The following SPART variants were observed in gnomAD, a reference collection of about 807,000 sequenced individuals.
The protein encoded by SPART is spartin, also known as spastic paraplegia 20 (Troyer syndrome).
In SPART, 35 loss-of-function variants were observed where a neutral mutation model predicts 58.7. That is an observed-to-expected ratio of 0.60 (90% CI 0.46 to 0.79). The LOEUF is 0.79. Ranked by LOEUF, SPART falls within the 30% of genes least tolerant of loss-of-function variation. SPART has a pLI of 0.00. For synonymous variants in SPART, 284 were observed against 280.7 expected, an observed-to-expected ratio of 1.01 and a Z score of -0.12; for missense variants, 730 against 786.1, an observed-to-expected ratio of 0.93 and a Z score of 0.85.
chr13:36,313,496 C>T (rs1881341020), intron 6 of SPART, among the ~76,000 whole-genome samples: 1 of 152,202 alleles, frequency 6.6e-6, no homozygotes, highest in African/African-American at 2.4e-5. Flanking sequence ...ATTCACTCAC[C>T]ACTCACTCAG....
intron 1 of SPART, among the ~76,000 whole-genome samples, chr13:36,367,780 C>A (rs557828106): frequency 2.0e-5 from 3 of 152,178 alleles, no homozygotes; most frequent in Non-Finnish European, 2.9e-5. Context: ...TCTCCTCACT[C>A]ACTATGTGAT....
intron 8 of SPART, among the ~76,000 whole-genome samples, chr13:36,306,620 AT>A (rs1880531752): frequency 6.6e-6 from 1 of 152,316 alleles, no homozygotes; most frequent in East Asian, 1.9e-4. Flanking sequence ...ATATTTCTGT[AT>A]GTAACACAGT....
chr13:36,360,020 G>A (rs1463569555), intron 1 of SPART, among the ~76,000 whole-genome samples: 2 of 151,766 alleles, frequency 1.3e-5, no homozygotes, highest in Non-Finnish European at 2.9e-5. Flanking sequence ...TTTAGGCTGG[G>A]CGCGGTGGCT....
intron 1 of SPART, among the ~76,000 whole-genome samples, chr13:36,359,457 T>C (rs1389948131): frequency 6.6e-6 from 1 of 152,192 alleles, no homozygotes; most frequent in African/African-American, 2.4e-5. Context: ...GATGGCCTCT[T>C]CAGGTTAGCT....
At chr13:36,307,553 G>A (rs918465499) in intron 8 of SPART, among the ~76,000 whole-genome samples, 3 of 151,896 alleles carry the variant, frequency 2.0e-5, no homozygotes, top group African/African-American at 7.2e-5. Context: ...AGAAAATATT[G>A]CTGGGGAAAA....
In SPART at chr13:36,302,735, A is replaced by T. The variant is rs1382266582; in HGVS notation, c.*1630T>A. ...ACTGCTTCAAGCATTCATTTGTGTT[A>T]CAAACGTCCCAATTACACTCTTTTA... On this transcript the variant is annotated 3_prime_UTR_variant, in exon 9 of 9. Transcript: ENST00000438666. 6.6e-6 allele frequency: 1 copy of T among 152,210 alleles called. No homozygotes were observed. Among genetic ancestry groups the T allele is most frequent in the African/African-American group, 2.4e-5 (1 of 41,448 alleles). The allele number at this position is 152,210 out of a possible 1,614,324, so 9.4% of individuals were successfully genotyped here.
chr13:36,326,609 T>C lies in SPART; in HGVS notation c.1254A>G (p.Glu418=), dbSNP rs1206031863. The change falls in exon 5 of 9, where the codon GAA becomes GAG. Residue 418 remains glutamate, a synonymous_variant. Transcript: ENST00000438666. ...TGTTGTGAGCCACTTTTTCACTCCA[T>C]TCAGGTAATTCTTTTGGCTTTTCTT... ...VPEEKPKELP[E]WSEKVAHNIL... is the part of the protein sequence containing the mutation. 1.1e-5 allele frequency: 17 copies of C among 1,613,520 alleles called. No individual in the cohort carries two copies. The highest frequency in any genetic ancestry group is 1.4e-5 in the Non-Finnish European group (17 of 1,179,888).
At chr13:36,362,983 CTT>C (rs1389176276) in intron 1 of SPART, among the ~76,000 whole-genome samples, 3 of 152,068 alleles carry the variant, frequency 2.0e-5, no homozygotes, top group Non-Finnish European at 4.4e-5. Flanking sequence ...GCTTCCCACT[CTT>C]TAACATGCAT....
intron 8 of SPART, 37 bp downstream of exon 8, chr13:36,312,108 A>C (rs745668785): frequency 6.3e-7 from 1 of 1,582,166 alleles, no homozygotes; most frequent in Non-Finnish European, 8.7e-7. Flanking sequence ...ACAACAACAA[A>C]ACAGAGATTT....
At chr13:36,368,936 T>G (rs1484104062) in intron 1 of SPART, among the ~76,000 whole-genome samples, 1 of 152,000 alleles carries the variant, frequency 6.6e-6, no homozygotes. Context: ...GAGGCGGAGG[T>G]TTCAGTGAGC....
intron 1 of SPART, among the ~76,000 whole-genome samples, chr13:36,360,278 A>ACGCCATCTC (rs57017641): frequency 7.5e-6 from 1 of 134,064 alleles, no homozygotes; most frequent in Non-Finnish European, 1.6e-5. Flanking sequence ...CTGGGTGGAG[A>ACGCCATCTC]AAATTTTTGG....
intron 1 of SPART, among the ~76,000 whole-genome samples, chr13:36,341,890 C>T (rs1884620939): frequency 6.6e-6 from 1 of 152,200 alleles, no homozygotes; most frequent in Non-Finnish European, 1.5e-5. Flanking sequence ...ATCTCTTCTC[C>T]TGGAATACTA....
Position 36,304,267 on chromosome 13 carries a change from A to G in SPART, c.*98T>C, listed in dbSNP as rs1880257345. On this transcript the variant is annotated 3_prime_UTR_variant, in exon 9 of 9. Transcript: ENST00000438666. ...AATTTGTAGGAATGAATACATTTAAAAAATACTGGTTAATCTGTGAGGAAT... is the reference window on the plus strand; with the variant it reads ...AATTTGTAGGAATGAATACATTTAAGAAATACTGGTTAATCTGTGAGGAAT... 7.0e-7 allele frequency: 1 copy of G among 1,418,674 alleles called. No homozygotes were observed. Among genetic ancestry groups the G allele is most frequent in the Admixed American group, 1.7e-5 (1 of 58,292 alleles). 87.9% of individuals were successfully genotyped at this position (1,418,674 alleles called of 1,614,324 possible). A position where few individuals can be genotyped will look rare whatever the true frequency, so the allele number is the denominator to read the frequency against.
At chr13:36,351,906 GA>G (rs1484172065) in intron 1 of SPART, among the ~76,000 whole-genome samples, 1 of 152,082 alleles carries the variant, frequency 6.6e-6, no homozygotes. Context: ...ACATAATGAT[GA>G]ATATCATTAA....
At chr13:36,348,503 TA>T (rs1885281710), upstream of SPART, among the ~76,000 whole-genome samples, 1 of 152,102 alleles carries the variant, frequency 6.6e-6, no homozygotes, top group Non-Finnish European at 1.5e-5. Context: ...AATAAATGAG[TA>T]CATCAAGGAT....
intron 8 of SPART, among the ~76,000 whole-genome samples, chr13:36,309,943 A>T (rs567736312): frequency 3.3e-5 from 5 of 152,334 alleles, no homozygotes; most frequent in Non-Finnish European, 7.3e-5. Context: ...TAAAACAAAC[A>T]AACAAATGTA....
chr13:36,359,983 A>G (rs1163081524), intron 1 of SPART, among the ~76,000 whole-genome samples: 2 of 150,048 alleles, frequency 1.3e-5, no homozygotes, highest in South Asian at 2.1e-4. Flanking sequence ...TTATTCTGCA[A>G]TCACCCAGGT....
Position 36,361,991 on chromosome 13 carries a change from C to G in SPART, c.-3+8098G>C, listed in dbSNP as rs150878495. ...GTGCAAAAATTACCTTGAGCAATGC[C>G]TAGGACACTCCATTGTAGGCAGGCA... is the stretch of plus-strand genomic sequence containing the variant. On this transcript the variant is annotated intron_variant, in intron 1 of 8. Coordinates refer to the SPART transcript ENST00000355182. 8.5e-5 allele frequency among the ~76,000 whole-genome samples: 13 copies of G among 152,234 alleles called. No individual in the cohort carries two copies. The East Asian group carries it at 2.3e-3, about 27-fold the overall frequency.
rs541912589 is a variant in SPART, at chr13:36,314,083, C to G, written c.1483+144G>C. On this transcript the variant is annotated intron_variant, in intron 6 of 8. Coordinates refer to ENST00000438666, the MANE Select transcript of SPART (RefSeq NM_015087.5). ...TGATGTTGCTGGTCCGCAGGTCTCA[C>G]TATGAATAACAAAGAGAAACTGCTT... is the stretch of plus-strand genomic sequence containing the variant. 6.1e-6 allele frequency: 5 copies of G among 823,622 alleles called. No homozygotes were observed. The African/African-American group carries it at 8.6e-5, about 14-fold the overall frequency. The allele number at this position is 823,622 out of a possible 1,614,324, so 51.0% of individuals were successfully genotyped here. A position where few individuals can be genotyped will look rare whatever the true frequency, so the allele number is the denominator to read the frequency against.
Sources: gnomAD v4.1 joint callset for allele counts (sites outside exome capture counted in the v4.1 genomes callset) on GRCh38, gnomAD v4.1.1 for gene constraint, MANE v1.5 for transcripts, NCBI Gene and HGNC (gene_info 2026-07-23, HGNC 2026-07-21) for gene names.